The following SRGAP3 variants were observed in gnomAD, a reference collection of about 807,000 sequenced individuals.
The protein encoded by SRGAP3 is SLIT-ROBO Rho GTPase-activating protein 3.
SRGAP3 carries 39 observed loss-of-function variants against 121.1 expected under a neutral mutation model. The ratio of observed to expected loss-of-function variants is 0.32; its 90% CI spans 0.25 to 0.42. SRGAP3 has a LOEUF of 0.42. Among genes scored for constraint, SRGAP3 ranks in the 10% least tolerant of loss-of-function variants. The probability of loss-of-function intolerance (pLI) is 1.00; values close to 1 mark genes in which losing one functional copy is unlikely to be tolerated. For missense variants in SRGAP3, 1,213 were observed against 1,470.6 expected (o/e 0.82, Z 2.86); for synonymous variants, 601 against 570.0 (o/e 1.05, Z -0.77).
chr3:9,017,137 C>CG (rs1943678179), intron 14 of SRGAP3, among the ~76,000 whole-genome samples: 2 of 152,120 alleles, frequency 1.3e-5, no homozygotes, highest in Admixed American at 1.3e-4. Context: ...TATGGTGTCT[C>CG]ATATCGAGAC....
chr3:9,095,415 C>T (rs56936349), intron 3 of SRGAP3, among the ~76,000 whole-genome samples: 1,743 of 152,130 alleles, frequency 0.011, 31 homozygotes, highest in African/African-American at 0.039. Flanking sequence ...TGAAGTGTTG[C>T]TTTTTACCTT....
chr3:9,120,963 G>C (rs2124967977), intron 2 of SRGAP3, among the ~76,000 whole-genome samples: 1 of 152,260 alleles, frequency 6.6e-6, no homozygotes, highest in Admixed American at 6.5e-5. Context: ...GGAGGGAATG[G>C]CTGGGGCCTT....
At chr3:9,210,040 G>GAC (rs35027611) in intron 1 of SRGAP3, among the ~76,000 whole-genome samples, 5 of 144,786 alleles carry the variant, frequency 3.5e-5, no homozygotes, top group African/African-American at 1.3e-4. Flanking sequence ...AAAGAAGCTA[G>GAC]ACACACAAAA....
At chr3:9,227,645 G>C (rs916940916) in intron 1 of SRGAP3, among the ~76,000 whole-genome samples, 1 of 152,170 alleles carries the variant, frequency 6.6e-6, no homozygotes, top group South Asian at 2.1e-4. Flanking sequence ...ATTGTGCTTT[G>C]GTGTTAAAAT....
chr3:9,185,133 T>C (rs942625208), intron 1 of SRGAP3, among the ~76,000 whole-genome samples: 2 of 152,232 alleles, frequency 1.3e-5, no homozygotes, highest in African/African-American at 2.4e-5. Context: ...CCAAGGGTCA[T>C]AGGCCCTAGA....
At chr3:9,105,663 G>C (rs1003348724) in intron 2 of SRGAP3, among the ~76,000 whole-genome samples, 1 of 152,040 alleles carries the variant, frequency 6.6e-6, no homozygotes, top group Non-Finnish European at 1.5e-5. Context: ...CAGGGGATTC[G>C]GATACTCACT....
intron 1 of SRGAP3, among the ~76,000 whole-genome samples, chr3:9,179,873 G>A (rs1463800500): frequency 6.6e-6 from 1 of 152,252 alleles, no homozygotes; most frequent in Non-Finnish European, 1.5e-5. Flanking sequence ...ATCAAGGCTT[G>A]CACACCCACT....
At chr3:9,086,159 T>C (rs895338069) in intron 3 of SRGAP3, among the ~76,000 whole-genome samples, 10 of 152,216 alleles carry the variant, frequency 6.6e-5, no homozygotes, top group African/African-American at 2.4e-4. Flanking sequence ...GGACCCAATC[T>C]GCAATATCTT....
chr3:9,257,698 C>CTCTT (rs1954161468), intron 3 of SRGAP3, among the ~76,000 whole-genome samples: 1 of 73,202 alleles, frequency 1.4e-5, no homozygotes, highest in Non-Finnish European at 2.5e-5. Flanking sequence ...AAAATAGCTC[C>CTCTT]TTTTTTTTTT....
At chr3:9,203,241 A>G (rs1952129534) in intron 1 of SRGAP3, among the ~76,000 whole-genome samples, 1 of 152,048 alleles carries the variant, frequency 6.6e-6, no homozygotes, top group African/African-American at 2.4e-5. Flanking sequence ...TATGACCAAA[A>G]CAATCACCCC....
chr3:9,000,886 C>T (rs1942719520), intron 18 of SRGAP3, among the ~76,000 whole-genome samples: 1 of 152,152 alleles, frequency 6.6e-6, no homozygotes, highest in Non-Finnish European at 1.5e-5. Context: ...TCTACCAAAC[C>T]CACTGGCATC....
chr3:9,124,576 G>T, intron 2 of SRGAP3, 149 bp downstream of exon 2: 1 of 945,836 alleles, frequency 1.1e-6, no homozygotes, highest in Non-Finnish European at 1.6e-6. Context: ...CTGAGGCTTG[G>T]AGGTGTAAGT....
chr3:9,349,382 C>G (rs1417200785), intron 1 of SRGAP3, among the ~76,000 whole-genome samples: 1 of 152,256 alleles, frequency 6.6e-6, no homozygotes, highest in Non-Finnish European at 1.5e-5. Flanking sequence ...TTCATACAAT[C>G]TAGTCAGAAC....
chr3:9,070,373 A>G (rs73148043), intron 4 of SRGAP3, among the ~76,000 whole-genome samples: 7,898 of 152,336 alleles, frequency 0.052, 591 homozygotes, highest in African/African-American at 0.16. Flanking sequence ...GTGAAACCCT[A>G]GGCCAGTGCA....
At chr3:9,242,349 A>T (rs972393448) in intron 1 of SRGAP3, among the ~76,000 whole-genome samples, 2 of 152,220 alleles carry the variant, frequency 1.3e-5, no homozygotes, top group Non-Finnish European at 2.9e-5. Context: ...CAAAGAAAAA[A>T]GCTGAAGCCG....
chr3:9,113,780 T>C (rs1948712152), intron 2 of SRGAP3, among the ~76,000 whole-genome samples: 2 of 152,104 alleles, frequency 1.3e-5, no homozygotes, highest in Non-Finnish European at 1.5e-5. Context: ...GGTTCCCCCT[T>C]CACTGGGCAC....
intron 2 of SRGAP3, among the ~76,000 whole-genome samples, chr3:9,122,890 C>A (rs913666721): frequency 1.3e-5 from 2 of 152,028 alleles, no homozygotes; most frequent in African/African-American, 4.8e-5. Context: ...AGCTCCCTGG[C>A]CAGAGTGGAA....
intron 1 of SRGAP3, among the ~76,000 whole-genome samples, chr3:9,171,069 G>A (rs1417798591): frequency 1.3e-5 from 2 of 152,180 alleles, no homozygotes; most frequent in East Asian, 3.9e-4. Context: ...GACCCTTCAG[G>A]GCCTGGGCCC....
chr3:9,295,417 T>G (rs62244930), intron 3 of SRGAP3, among the ~76,000 whole-genome samples: 16,675 of 152,196 alleles, frequency 0.11, 1,280 homozygotes, highest in East Asian at 0.35. Flanking sequence ...ATCTCTACAC[T>G]CTAGCATCGT....
Sources: allele counts gnomAD v4.1 joint callset (sites outside exome capture counted in the v4.1 genomes callset), GRCh38; gene constraint gnomAD v4.1.1; transcripts MANE v1.5; gene names NCBI Gene and HGNC (gene_info 2026-07-23, HGNC 2026-07-21).